SPPL2B: variants seen among roughly 807,000 people sequenced by gnomAD.
SPPL2B encodes signal peptide peptidase-like 2B.
A neutral mutation model predicts 59.7 loss-of-function variants in SPPL2B; 39 were observed. The ratio of observed to expected loss-of-function variants is 0.65; its 90% confidence interval spans 0.51 to 0.85. The LOEUF is 0.85. SPPL2B is among the 40% of genes least tolerant of loss of function. SPPL2B has a pLI of 0.00. For missense variants in SPPL2B, 865 were observed against 849.0 expected, an observed-to-expected ratio of 1.02 and a Z score of -0.23; for synonymous variants, 419 against 370.8, an observed-to-expected ratio of 1.13 and a Z score of -1.49.
intron 14 of SPPL2B, among the ~76,000 whole-genome samples, chr19:2,352,040 G>A (rs1264698773): frequency 2.0e-5 from 3 of 152,246 alleles, no homozygotes; most frequent in African/African-American, 7.2e-5. Context: ...AGGGGAGCAG[G>A]CCTGCCCTGG....
intron 13 of SPPL2B, among the ~76,000 whole-genome samples, chr19:2,347,922 G>A (rs1203380746): frequency 1.1e-4 from 3 of 28,132 alleles, no homozygotes; most frequent in Admixed American, 2.4e-4. Context: ...GCCTGATTCC[G>A]TTCTCTCCCT....
At position 2,352,992 on chromosome 19, in the gene SPPL2B, C is replaced by A. The variant is rs371448827; in HGVS notation, c.1562C>A (p.Pro521Gln). 1 of 1,612,178 alleles carries A rather than the reference C, an allele frequency of 6.2e-7. No individual in the cohort carries two copies. ...TGGGCCCCAGCACCAGCCGACGGCC[C>A]GCAGCCTCCCAAAGACTCTGCCACG... is the stretch of plus-strand genomic sequence containing the variant. ...SPWAPAPADGPQPPKDSATPL... is the reference protein window; with the variant it reads ...SPWAPAPADGQQPPKDSATPL... The change falls in exon 15 of 15, where the codon CCG (proline) becomes CAG (glutamine). Residue 521 changes from proline (P) to glutamine (Q), a missense_variant. Transcript: ENST00000613503.
At position 2,353,126 on chromosome 19, in the gene SPPL2B, C is replaced by T. The variant is rs373461858; in HGVS notation, c.1696C>T (p.Arg566Trp). The change falls in exon 15 of 15, where the codon CGG becomes TGG. Residue 566 changes from arginine (R) to tryptophan (W), a missense_variant. By Grantham distance (101) the Arg-to-Trp change is moderately radical. Coordinates refer to ENST00000613503, the MANE Select transcript of SPPL2B (RefSeq NM_152988.3). ...GGAGATGGGGGCTGGAGCCCCCATG[C>T]GGGAGCCTGGGAGCCCAGCTGAATC... is the stretch of plus-strand genomic sequence containing the variant. The part of the protein sequence containing the change: ...SEEMGAGAPM[R>W]EPGSPAESEG... The T allele has an allele frequency of 9.4e-4, 1,515 of 1,610,306 alleles. 1 individual carries two copies. Among genetic ancestry groups the T allele is most frequent in the Middle Eastern group, 2.1e-3 (13 of 6,072 alleles).
chr19:2,334,790 C>A, intron 2 of SPPL2B, 69 bp downstream of exon 2: 2 of 1,450,426 alleles, frequency 1.4e-6, no homozygotes, highest in South Asian at 2.9e-5. Context: ...AGAGACACAT[C>A]CGGCTGGGGT....
chr19:2,345,173 A>G, intron 12 of SPPL2B, 80 bp from the exon 13 acceptor site: 1 of 1,225,776 alleles, frequency 8.2e-7, no homozygotes, highest in Non-Finnish European at 1.2e-6. Context: ...ACAGGTGCTC[A>G]GGTGCCCGCC....
chr19:2,331,822 G>C (rs1599192626), intron 1 of SPPL2B, among the ~76,000 whole-genome samples: 2 of 152,364 alleles, frequency 1.3e-5, no homozygotes, highest in East Asian at 3.9e-4. Context: ...TTGGTTGCTT[G>C]GTTTCTCCTG....
intron 1 of SPPL2B, 60 bp from the exon 2 acceptor site, chr19:2,334,542 G>C (rs1275675772): frequency 7.7e-6 from 12 of 1,549,412 alleles, no homozygotes; most frequent in African/African-American, 4.1e-5. Flanking sequence ...TGTTTCTCGT[G>C]GGGCGGTGCA....
At chr19:2,344,467 G>C (rs776891606) in intron 11 of SPPL2B, 43 bp downstream of exon 11, 8 of 1,567,878 alleles carry the variant, frequency 5.1e-6, no homozygotes, top group Non-Finnish European at 1.7e-6. Context: ...CATGGGTCAA[G>C]GTGTTGCGCG....
chr19:2,347,151 A>G (rs11672252), intron 13 of SPPL2B, among the ~76,000 whole-genome samples: 142,383 of 149,222 alleles, frequency 0.95, 67,867 homozygotes, highest in South Asian at 0.98. Flanking sequence ...GCTCTCATTC[A>G]CCTGATTCCG....
At position 2,331,539 on chromosome 19, in the gene SPPL2B, G is replaced by A. The variant is rs541480503; in HGVS notation, c.66+2764G>A. 6.6e-5 allele frequency among the ~76,000 whole-genome samples: 10 copies of A among 152,170 alleles called. No individual in the cohort carries two copies. In the East Asian group the frequency reaches 1.5e-3, roughly 23 times the overall value. Reference sequence around the variant, plus strand: ...AGGAAACTCTTCCCGGTGAGATGCCGCGTTCTCTGGCCTTTGATAGAGGCA... The same window carrying A: ...AGGAAACTCTTCCCGGTGAGATGCCACGTTCTCTGGCCTTTGATAGAGGCA... On this transcript the variant is annotated intron_variant, in intron 1 of 14. Transcript: ENST00000613503.
chr19:2,343,630 C>A (rs759286270), intron 9 of SPPL2B, among the ~76,000 whole-genome samples: 2 of 152,110 alleles, frequency 1.3e-5, no homozygotes, highest in Non-Finnish European at 2.9e-5. Flanking sequence ...GGCTGCACTC[C>A]CGTGAGGGCC....
intron 14 of SPPL2B, 99 bp downstream of exon 14, chr19:2,351,693 G>A: frequency 6.7e-7 from 1 of 1,483,784 alleles, no homozygotes; most frequent in Non-Finnish European, 9.1e-7. Flanking sequence ...CAGCCCTGCG[G>A]CCGCGACGGG....
At chr19:2,351,323 C>A in intron 13 of SPPL2B, 111 bp from the exon 14 acceptor site, 2 of 839,294 alleles carry the variant, frequency 2.4e-6, no homozygotes, top group Non-Finnish European at 3.8e-6. Flanking sequence ...CCTCTCCCGT[C>A]CTCGCACACC....
At chr19:2,334,858 C>A in intron 2 of SPPL2B, 137 bp downstream of exon 2, 3 of 1,179,248 alleles carry the variant, frequency 2.5e-6, no homozygotes, top group Non-Finnish European at 3.4e-6. Context: ...GGACTCTTAG[C>A]TGGCCCCCAG....
At chr19:2,340,534 C>A (rs1316173534) in intron 7 of SPPL2B, 1 of 586,572 alleles carries the variant, frequency 1.7e-6, no homozygotes, top group South Asian at 1.6e-5. Flanking sequence ...GCTGGGGGGT[C>A]TCCAACAAAG....
chr19:2,343,851 C>T, intron 9 of SPPL2B, 114 bp from the exon 10 acceptor site: 3 of 769,288 alleles, frequency 3.9e-6, no homozygotes, highest in East Asian at 2.7e-5. Flanking sequence ...TGGGCACGCT[C>T]TGCTCAGGTT....
chr19:2,349,380 G>A (rs1397088688), intron 13 of SPPL2B, among the ~76,000 whole-genome samples: 58 of 86,384 alleles, frequency 6.7e-4, no homozygotes, highest in African/African-American at 2.7e-3. Context: ...GCCTGATTCC[G>A]TTCTCTCTCT....
intron 13 of SPPL2B, among the ~76,000 whole-genome samples, chr19:2,350,512 C>A (rs781009245): frequency 2.0e-5 from 3 of 151,664 alleles, no homozygotes; most frequent in Non-Finnish European, 4.4e-5. Flanking sequence ...CTCTCTCTCT[C>A]CACACACACA....
intron 8 of SPPL2B, chr19:2,341,511 T>G (rs1264090720): frequency 4.5e-6 from 2 of 445,200 alleles, no homozygotes; most frequent in Non-Finnish European, 9.2e-6. Flanking sequence ...TGTGGCTGCC[T>G]CCCGCTGGCC....
Sources: allele counts gnomAD v4.1 joint callset (sites outside exome capture counted in the v4.1 genomes callset), GRCh38; gene constraint gnomAD v4.1.1; transcripts MANE v1.5; gene names NCBI Gene and HGNC (gene_info 2026-07-23, HGNC 2026-07-21).